Variants in IMMP2L observed in about 807,000 individuals in gnomAD.
IMMP2L encodes mitochondrial inner membrane protease subunit 2.
IMMP2L carries 18 observed loss-of-function variants against 19.3 expected under a neutral mutation model. That is an observed-to-expected ratio of 0.93 (90% confidence interval 0.64 to 1.38). The LOEUF (loss-of-function observed/expected upper bound fraction) is 1.38, where lower values mean the gene tolerates loss of function less well. IMMP2L is among the 40% of genes most tolerant of loss of function. IMMP2L has a pLI of 0.00. For missense variants in IMMP2L, 233 were observed against 218.2 expected, an observed-to-expected ratio of 1.07 and a Z score of -0.43; for synonymous variants, 76 against 73.0, an observed-to-expected ratio of 1.04 and a Z score of -0.21.
chr7:111,230,959 G>A lies in IMMP2L; in HGVS notation c.239+256279C>T, dbSNP rs181830903. ...GAATGGGTGCAAATTAATGGGAAGG[G>A]AGTGACATCTGACAAAGGCAACAAA... On this transcript the variant is annotated intron_variant, in intron 3 of 5. Transcript: ENST00000405709. Among the ~76,000 whole-genome samples the A allele has an allele frequency of 2.6e-5, 4 of 152,012 alleles. No homozygotes were observed. In the South Asian group the frequency reaches 6.2e-4, roughly 24 times the overall value.
rs181964146 is a variant in IMMP2L, at chr7:110,820,020, T to C, written c.408+66573A>G. ...TGACAATCTAGCAACTCTTTATTTC[T>C]GGTAACATTCTAAAATGTTTTATTT... is the stretch of plus-strand genomic sequence containing the variant. On this transcript the variant is annotated intron_variant, in intron 5 of 5. Coordinates refer to ENST00000405709, the MANE Select transcript of IMMP2L (RefSeq NM_032549.4). 1.1e-3 allele frequency among the ~76,000 whole-genome samples: 165 copies of C among 152,222 alleles called. 1 individual carries two copies. The highest frequency in any genetic ancestry group is 3.8e-3 in the African/African-American group (156 of 41,574).
chr7:111,162,223 T>C lies in IMMP2L; in HGVS notation c.240-198658A>G, dbSNP rs190122817. Among the ~76,000 whole-genome samples, 3 of 152,210 alleles carry C rather than the reference T, an allele frequency of 2.0e-5. No homozygotes were observed. In the East Asian group the frequency reaches 5.8e-4, roughly 29 times the overall value. On this transcript the variant is annotated intron_variant, in intron 3 of 5. Coordinates refer to ENST00000405709, the MANE Select transcript of IMMP2L (RefSeq NM_032549.4). ...TGTCTTTTACATCTCCCTAAATGCA[T>C]TACATGTATGTATTTCCAATGAGTT...
rs771295780 is a variant in IMMP2L, at chr7:111,122,851, G to C, written c.240-159286C>G. ...ACTAGTACAAGCTGTAGATAAAAAAGTGGATTGTCCACGGTTATGTACGTG... is the reference window on the plus strand; with the variant it reads ...ACTAGTACAAGCTGTAGATAAAAAACTGGATTGTCCACGGTTATGTACGTG... On this transcript the variant is annotated intron_variant, in intron 3 of 5. Coordinates refer to ENST00000405709, the MANE Select transcript of IMMP2L (RefSeq NM_032549.4). 4.3e-6 allele frequency: 7 copies of C among 1,613,854 alleles called. No homozygotes were observed. In the South Asian group the frequency reaches 7.7e-5, roughly 18 times the overall value.
intron 4 of IMMP2L, among the ~76,000 whole-genome samples, chr7:110,911,675 T>C (rs1181789980): frequency 6.6e-6 from 1 of 152,140 alleles, no homozygotes; most frequent in Non-Finnish European, 1.5e-5. Flanking sequence ...CAAATGTTTT[T>C]CCTTTCCCAT....
intron 3 of IMMP2L, among the ~76,000 whole-genome samples, chr7:111,480,316 G>C (rs1038838144): frequency 1.3e-5 from 2 of 151,758 alleles, no homozygotes; most frequent in African/African-American, 4.8e-5. Flanking sequence ...TCCTGACCTC[G>C]TGATCCACCT....
Position 110,948,247 on chromosome 7 carries a change from GCAAA to G in IMMP2L, c.305+15249_305+15252del, listed in dbSNP as rs149476760. On this transcript the variant is annotated intron_variant, in intron 4 of 5. Coordinates refer to ENST00000405709, the MANE Select transcript of IMMP2L (RefSeq NM_032549.4). ...AAACATTTTCCAACTCTATAAAACA[GCAAA>G]CAGATTTTAGTTTCATATCAACATT... Among the ~76,000 whole-genome samples, 1,055 of 152,090 alleles carry G rather than the reference GCAAA, an allele frequency of 6.9e-3. 14 individuals are homozygous for G. The highest frequency in any genetic ancestry group is 0.025 in the African/African-American group (1,019 of 41,490).
rs144253798 is a variant in IMMP2L at position 111,287,991 on chromosome 7, C to G, written c.239+199247G>C. On this transcript the variant is annotated intron_variant, in intron 3 of 5. Transcript: ENST00000405709. ...TTTCCATAAGCTCAATAATGAAATGCCTTGCATAGGTAAACATCAAAAATT... is the reference window on the plus strand; with the variant it reads ...TTTCCATAAGCTCAATAATGAAATGGCTTGCATAGGTAAACATCAAAAATT... 5.3e-5 allele frequency among the ~76,000 whole-genome samples: 8 copies of G among 152,236 alleles called. No individual in the cohort carries two copies. In the East Asian group the frequency reaches 1.5e-3, roughly 29 times the overall value.
chr7:111,109,621 C>T (rs530355479), intron 3 of IMMP2L, among the ~76,000 whole-genome samples: 190 of 152,284 alleles, frequency 1.2e-3, no homozygotes, highest in African/African-American at 4.4e-3. Context: ...GCCCCTTCAA[C>T]TTTCACCACC....
chr7:110,990,726 T>A (rs921113696), intron 3 of IMMP2L, among the ~76,000 whole-genome samples: 3 of 152,146 alleles, frequency 2.0e-5, no homozygotes, highest in Non-Finnish European at 4.4e-5. Context: ...TACTTTAAGT[T>A]AACTTACACC....
intron 3 of IMMP2L, among the ~76,000 whole-genome samples, chr7:111,108,401 C>G (rs954289757): frequency 5.9e-5 from 9 of 152,226 alleles, no homozygotes; most frequent in Middle Eastern, 3.4e-3. Flanking sequence ...TCTCCAAATA[C>G]AAATGTCACA....
chr7:111,051,757 C>T (rs1793027263), intron 3 of IMMP2L, among the ~76,000 whole-genome samples: 1 of 152,160 alleles, frequency 6.6e-6, no homozygotes, highest in Admixed American at 6.5e-5. Flanking sequence ...ATTGGTAAAT[C>T]TTAGGTTGTC....
intron 3 of IMMP2L, among the ~76,000 whole-genome samples, chr7:111,321,316 A>G (rs1273373698): frequency 6.6e-6 from 1 of 151,994 alleles, no homozygotes; most frequent in Non-Finnish European, 1.5e-5. Context: ...AAAGAATTAT[A>G]ATCAAAATCC....
At chr7:110,802,791 G>A (rs1801354550) in intron 5 of IMMP2L, among the ~76,000 whole-genome samples, 1 of 152,014 alleles carries the variant, frequency 6.6e-6, no homozygotes, top group African/African-American at 2.4e-5. Flanking sequence ...CTGTGCAGAG[G>A]ATGAAGCAAG....
At chr7:111,163,570 C>T (rs183125655) in intron 3 of IMMP2L, among the ~76,000 whole-genome samples, 32 of 152,140 alleles carry the variant, frequency 2.1e-4, no homozygotes, top group African/African-American at 6.3e-4. Flanking sequence ...TGTCATAGAA[C>T]ATTAAATTAA....
intron 3 of IMMP2L, among the ~76,000 whole-genome samples, chr7:111,399,754 G>C (rs1375762768): frequency 6.6e-6 from 1 of 152,018 alleles, no homozygotes; most frequent in Non-Finnish European, 1.5e-5. Context: ...TTTTAAACAT[G>C]TAGTAGTATA....
At chr7:111,530,903 C>T (rs1265034809) in intron 1 of IMMP2L, among the ~76,000 whole-genome samples, 3 of 151,514 alleles carry the variant, frequency 2.0e-5, no homozygotes, top group Non-Finnish European at 4.4e-5. Context: ...GAATGCTGGC[C>T]AGATCAGCGA....
chr7:111,319,865 C>T (rs952551091), intron 3 of IMMP2L, among the ~76,000 whole-genome samples: 1 of 151,918 alleles, frequency 6.6e-6, no homozygotes, highest in Non-Finnish European at 1.5e-5. Flanking sequence ...GTTAATATTT[C>T]GGCTGCCACA....
At chr7:111,004,676 C>T (rs1824104658) in intron 3 of IMMP2L, among the ~76,000 whole-genome samples, 1 of 152,126 alleles carries the variant, frequency 6.6e-6, no homozygotes, top group Non-Finnish European at 1.5e-5. Context: ...CGTCTTCAGT[C>T]ACCCAACCCC....
intron 3 of IMMP2L, among the ~76,000 whole-genome samples, chr7:110,994,301 C>A (rs2129560108): frequency 6.6e-6 from 1 of 152,186 alleles, no homozygotes. Flanking sequence ...CTTTTCTCAC[C>A]TTCAAGCCTA....
Sources: allele counts gnomAD v4.1 joint callset (sites outside exome capture counted in the v4.1 genomes callset), GRCh38; gene constraint gnomAD v4.1.1; transcripts MANE v1.5; gene names NCBI Gene and HGNC (gene_info 2026-07-23, HGNC 2026-07-21).